Variants in CUBN observed in about 807,000 individuals in gnomAD.
CUBN encodes cubilin.
CUBN carries 282 observed loss-of-function variants against 405.3 expected under a neutral mutation model. The observed-to-expected ratio is 0.70, with a 90% CI of 0.63 to 0.77. The LOEUF (loss-of-function observed/expected upper bound fraction) is 0.77. CUBN is among the 30% of genes least tolerant of loss of function. The probability of loss-of-function intolerance (pLI) is 0.00; values close to 1 mark genes in which losing one functional copy is unlikely to be tolerated. For synonymous variants in CUBN, 1,684 were observed against 1,617.0 expected (o/e 1.04, Z -0.99); for missense variants, 4,514 against 4,475.2 (o/e 1.01, Z -0.25).
chr10:17,111,984 T>G (rs1168876829), intron 8 of CUBN, among the ~76,000 whole-genome samples: 2 of 152,186 alleles, frequency 1.3e-5, no homozygotes, highest in African/African-American at 4.8e-5. Flanking sequence ...GGGAAAGAAT[T>G]TTTTAAACTC....
intron 14 of CUBN, among the ~76,000 whole-genome samples, chr10:17,093,188 G>A (rs1564512630): frequency 6.6e-6 from 1 of 152,256 alleles, no homozygotes; most frequent in East Asian, 1.9e-4. Context: ...GCAGCTGCAT[G>A]GAAATGGCAC....
chr10:17,060,107 T>A (rs1223820997), intron 22 of CUBN, among the ~76,000 whole-genome samples: 2 of 150,426 alleles, frequency 1.3e-5, no homozygotes, highest in South Asian at 2.1e-4. Context: ...TCTTTAACAA[T>A]CCCTGGTTTT....
At chr10:17,127,957 C>A (rs1837238237) in intron 2 of CUBN, 33 bp from the exon 3 acceptor site, 2 of 1,382,396 alleles carry the variant, frequency 1.4e-6, no homozygotes, top group Non-Finnish European at 2.1e-6. Flanking sequence ...AAATGAAGAG[C>A]ACTAGTGAAA....
intron 7 of CUBN, among the ~76,000 whole-genome samples, chr10:17,114,455 G>A (rs910982731): frequency 3.3e-5 from 5 of 152,122 alleles, no homozygotes; most frequent in Non-Finnish European, 7.4e-5. Flanking sequence ...AGAACTGTAA[G>A]TCAATATAAT....
chr10:16,874,777 A>G (rs1029479953), intron 57 of CUBN, among the ~76,000 whole-genome samples: 1 of 152,208 alleles, frequency 6.6e-6, no homozygotes. Flanking sequence ...ATTAATGGCC[A>G]GAGTGAAAAT....
intron 50 of CUBN, among the ~76,000 whole-genome samples, chr10:16,904,952 G>A (rs1841515658): frequency 6.6e-6 from 1 of 152,164 alleles, no homozygotes; most frequent in African/African-American, 2.4e-5. Context: ...AGAGAGGTTG[G>A]AGGACTCTCT....
chr10:17,083,516 A>AATAAATAAATAAATACATACATAC (rs59957943), intron 17 of CUBN, among the ~76,000 whole-genome samples: 10,064 of 142,638 alleles, frequency 0.071, 997 homozygotes, highest in African/African-American at 0.22. Flanking sequence ...AAAATAAATA[A>AATAAATAAATAAATACATACATAC]ATACATACAT....
At position 17,084,624 on chromosome 10, in the gene CUBN, G is replaced by T. The variant is rs534349877; in HGVS notation, c.2111-163C>A. Among the ~76,000 whole-genome samples, 556 of 152,264 alleles carry T rather than the reference G, an allele frequency of 3.7e-3. 3 individuals carry two copies. Among genetic ancestry groups the T allele is most frequent in the African/African-American group, 0.013 (533 of 41,560 alleles). On this transcript the variant is annotated intron_variant, in intron 16 of 66. Coordinates refer to ENST00000377833, the MANE Select transcript of CUBN (RefSeq NM_001081.4). ...TGTGCCTCTAATTTTAAGATTTTCA[G>T]TTTGATGTGTTGTGGGACATCTCTG...
chr10:16,836,349 T>G lies in CUBN; in HGVS notation c.10066A>C (p.Arg3356=), dbSNP rs144531829. 7 of 1,614,132 alleles carry G rather than the reference T, an allele frequency of 4.3e-6. No individual in the cohort carries two copies. The highest frequency in any genetic ancestry group is 5.9e-6 in the Non-Finnish European group (7 of 1,179,928). The change falls in exon 63 of 67, where the codon AGA becomes CGA. Residue 3356 remains arginine (R), a synonymous_variant. Coordinates refer to ENST00000377833, the MANE Select transcript of CUBN (RefSeq NM_001081.4). ...HGNSRFQFCG[R]NASAVPVFYS... ...AACACTGGCACAGCCGAAGCATTTC[T>G]GCCACAGAACTGAAATCTTGAATTT... is the stretch of plus-strand genomic sequence containing the variant.
intron 60 of CUBN, among the ~76,000 whole-genome samples, chr10:16,842,655 T>C (rs1210512935): frequency 6.6e-6 from 1 of 152,212 alleles, no homozygotes; most frequent in African/African-American, 2.4e-5. Flanking sequence ...GGAGCAGCCA[T>C]AGTGTTCTCC....
chr10:16,837,732 A>C (rs1454680966), intron 62 of CUBN, among the ~76,000 whole-genome samples: 1 of 151,988 alleles, frequency 6.6e-6, no homozygotes. Context: ...ATACCCCGAG[A>C]ATCCCAGTTT....
rs11284543 is a variant in CUBN, at chr10:17,085,965, A to ATT, written c.1948-208_1948-207dup. Among the ~76,000 whole-genome samples the ATT allele has an allele frequency of 6.9e-4, 92 of 132,616 alleles. 1 individual carries two copies. Among genetic ancestry groups the ATT allele is most frequent in the African/African-American group, 2.1e-3 (71 of 34,082 alleles). 87.0% of individuals were successfully genotyped at this position (132,616 alleles called of 152,430 possible). ...ACCCCAATGCCTTCTCTCTGTCTGAATTTTTTTTTTTTTTTTTTTGAGATG... is the reference window on the plus strand; with the variant it reads ...ACCCCAATGCCTTCTCTCTGTCTGAATTTTTTTTTTTTTTTTTTTTTGAGATG... On this transcript the variant is annotated intron_variant, in intron 15 of 66. Transcript: ENST00000377833.
At chr10:16,981,438 T>C (rs1020703233) in intron 31 of CUBN, among the ~76,000 whole-genome samples, 3 of 63,308 alleles carry the variant, frequency 4.7e-5, no homozygotes, top group Non-Finnish European at 2.2e-4. Context: ...GACAAGAACT[T>C]GGGTACCAAG....
chr10:17,086,453 G>C (rs538509352), intron 15 of CUBN, among the ~76,000 whole-genome samples: 11 of 152,240 alleles, frequency 7.2e-5, no homozygotes, highest in Middle Eastern at 3.4e-3. Context: ...CTTGGTCCAG[G>C]TTTTCAGAAG....
chr10:17,099,779 G>A (rs139968802), intron 14 of CUBN, among the ~76,000 whole-genome samples: 1 of 152,154 alleles, frequency 6.6e-6, no homozygotes, highest in East Asian at 1.9e-4. Flanking sequence ...TTGAGCAAAG[G>A]AGGTCGACGT....
At chr10:17,040,485 A>C (rs544950704) in intron 27 of CUBN, among the ~76,000 whole-genome samples, 6 of 152,302 alleles carry the variant, frequency 3.9e-5, no homozygotes, top group African/African-American at 1.4e-4. Context: ...CTTATATTCA[A>C]GGTTGCCTAA....
chr10:16,977,044 G>A (rs1833120376), intron 31 of CUBN, among the ~76,000 whole-genome samples: 1 of 152,066 alleles, frequency 6.6e-6, no homozygotes, highest in Non-Finnish European at 1.5e-5. Context: ...TTTACTATCT[G>A]GCATATTAGT....
intron 31 of CUBN, among the ~76,000 whole-genome samples, chr10:16,968,917 GACTGAGC>G: frequency 6.6e-6 from 1 of 152,342 alleles, no homozygotes; most frequent in Admixed American, 6.5e-5. Flanking sequence ...ACTTGAAGGT[GACTGAGC>G]AGAAAGTGCA....
chr10:16,882,039 A>T (rs944313295), intron 56 of CUBN, among the ~76,000 whole-genome samples: 3 of 152,228 alleles, frequency 2.0e-5, no homozygotes, highest in African/African-American at 4.8e-5. Flanking sequence ...CAAAATATAC[A>T]CAACACTCTC....
Sources: gnomAD v4.1 joint callset for allele counts (sites outside exome capture counted in the v4.1 genomes callset) on GRCh38, gnomAD v4.1.1 for gene constraint, MANE v1.5 for transcripts, NCBI Gene and HGNC (gene_info 2026-07-23, HGNC 2026-07-21) for gene names.